RYR3: variants seen among roughly 807,000 people sequenced by gnomAD.
The protein encoded by RYR3 is ryanodine receptor 3.
Under a neutral mutation model 584.3 loss-of-function variants are expected in RYR3, and 207 were observed. The observed-to-expected ratio is 0.35, with a 90% CI of 0.32 to 0.40. The LOEUF is 0.40. Among genes scored for constraint, RYR3 ranks in the 10% least tolerant of loss-of-function variants. RYR3 has a pLI of 1.00. For synonymous variants in RYR3, 2,416 were observed against 2,248.5 expected (o/e 1.07, Z -2.11); for missense variants, 5,616 against 6,089.2 (o/e 0.92, Z 2.59).
chr15:33,470,162 T>C (rs991350990), intron 1 of RYR3, among the ~76,000 whole-genome samples: 1 of 152,192 alleles, frequency 6.6e-6, no homozygotes, highest in Admixed American at 6.5e-5. Context: ...CATATTCTTA[T>C]CCTAAAAGAC....
intron 1 of RYR3, among the ~76,000 whole-genome samples, chr15:33,329,226 A>C (rs909766034): frequency 2.0e-4 from 31 of 152,154 alleles, no homozygotes; most frequent in Admixed American, 7.2e-4. Flanking sequence ...TCTATTTTAC[A>C]TATGGGTAAG....
Position 33,844,850 on chromosome 15 carries a change from A to G in RYR3, c.13297-12A>G, listed in dbSNP as rs753962218. ...TTTGATGTTTAATAAGCGAGTGTGTATTTTGAGCCAGGTCACTGAAGAACC... is the reference window on the plus strand; with the variant it reads ...TTTGATGTTTAATAAGCGAGTGTGTGTTTTGAGCCAGGTCACTGAAGAACC... On this transcript the variant is annotated splice_polypyrimidine_tract_variant and intron_variant, in intron 92 of 103. Transcript: ENST00000634891. 1 of 1,612,246 alleles carries G rather than the reference A, an allele frequency of 6.2e-7. No individual in the cohort carries two copies. Among genetic ancestry groups the G allele is most frequent in the South Asian group, 1.1e-5 (1 of 90,778 alleles).
intron 18 of RYR3, among the ~76,000 whole-genome samples, chr15:33,611,667 GTATT>G (rs2060194910): frequency 6.6e-6 from 1 of 151,710 alleles, no homozygotes. Flanking sequence ...TTTTTCTTTT[GTATT>G]TATTTGAGAC....
In RYR3 at chr15:33,824,815, GA is replaced by G. The variant is rs1392058533; in HGVS notation, c.11073-785del. Among the ~76,000 whole-genome samples, 8 of 152,150 alleles carry G rather than the reference GA, an allele frequency of 5.3e-5. 1 individual carries two copies. Among genetic ancestry groups the G allele is most frequent in the Admixed American group, 5.2e-4 (8 of 15,280 alleles). On this transcript the variant is annotated intron_variant, in intron 81 of 103. Transcript: ENST00000634891. ...CTAAGAGCTATGTTCTATGTTCTATGAAACCTTTCAGATTGGGGAATAAGTT... is the reference window on the plus strand; with the variant it reads ...CTAAGAGCTATGTTCTATGTTCTATGAACCTTTCAGATTGGGGAATAAGTT...
At position 33,533,352 on chromosome 15, in the gene RYR3, A is replaced by T; in HGVS notation, c.396A>T (p.Lys132Asn). ...CLTTSRSQTD[K>N]LAFDVGLREH... is the part of the protein sequence containing the mutation. ...CTACATCAAGATCCCAGACAGACAA[A>T]CTTGCCTTTGATGTAGGTCTACGGG... The change falls in exon 5 of 104, where the codon AAA (lysine) becomes AAT (asparagine). Residue 132 changes from lysine to asparagine, a missense_variant. This residue lies in a region of RYR3 where 1,284 missense variants were observed against 1,344.6 expected (regional missense o/e 0.95). Transcript: ENST00000634891. The T allele has an allele frequency of 6.2e-7, 1 of 1,609,398 alleles. No individual in the cohort carries two copies. The highest frequency in any genetic ancestry group is 8.5e-7 in the Non-Finnish European group (1 of 1,177,878).
chr15:33,736,165 G>T, intron 48 of RYR3, 70 bp from the exon 49 acceptor site: 1 of 1,019,104 alleles, frequency 9.8e-7, no homozygotes. Flanking sequence ...ATTGTTCAGT[G>T]TTTCTTTCAT....
intron 16 of RYR3, among the ~76,000 whole-genome samples, chr15:33,594,214 A>G (rs896279564): frequency 2.6e-5 from 4 of 152,192 alleles, no homozygotes; most frequent in Non-Finnish European, 5.9e-5. Flanking sequence ...TTGATTCCTT[A>G]AAGGAAAGCA....
chr15:33,848,023 A>G (rs1480701006), intron 93 of RYR3, among the ~76,000 whole-genome samples: 2 of 152,220 alleles, frequency 1.3e-5, no homozygotes, highest in Non-Finnish European at 2.9e-5. Context: ...GCACACTAGC[A>G]TGGGTCAAGG....
At chr15:33,576,706 C>T (rs2058317708) in intron 12 of RYR3, among the ~76,000 whole-genome samples, 1 of 152,138 alleles carries the variant, frequency 6.6e-6, no homozygotes, top group South Asian at 2.1e-4. Flanking sequence ...AAAACCAGCA[C>T]AAGACAAGGA....
At chr15:33,634,420 G>A (rs2061408668) in intron 24 of RYR3, among the ~76,000 whole-genome samples, 166 bp from the exon 25 acceptor site, 2 of 152,192 alleles carry the variant, frequency 1.3e-5, no homozygotes, top group Admixed American at 1.3e-4. Flanking sequence ...TAATCTGGAG[G>A]AGAAGTGGCA....
At chr15:33,811,177 C>A in intron 72 of RYR3, 140 bp downstream of exon 72, 1 of 714,386 alleles carries the variant, frequency 1.4e-6, no homozygotes, top group Non-Finnish European at 2.4e-6. Context: ...ATTGGTAGGA[C>A]TAGCTCTCTC....
intron 38 of RYR3, among the ~76,000 whole-genome samples, chr15:33,695,119 G>A (rs1288087821): frequency 1.3e-5 from 2 of 152,284 alleles, no homozygotes; most frequent in Admixed American, 1.3e-4. Context: ...CCTTGGCACT[G>A]CCTGGCCTGA....
chr15:33,843,086 G>A (rs1348338677), intron 91 of RYR3, among the ~76,000 whole-genome samples: 2 of 151,976 alleles, frequency 1.3e-5, no homozygotes, highest in African/African-American at 4.8e-5. Flanking sequence ...TTGGGAGGCC[G>A]AGATGGGTGG....
intron 1 of RYR3, among the ~76,000 whole-genome samples, chr15:33,343,746 G>A (rs986524249): frequency 6.6e-6 from 1 of 152,024 alleles, no homozygotes; most frequent in African/African-American, 2.4e-5. Flanking sequence ...CAATTTTTCC[G>A]ATGAGTCAAG....
Position 33,631,242 on chromosome 15 carries a change from A to G in RYR3, c.2816A>G (p.His939Arg), listed in dbSNP as rs377564147. Reference protein sequence around the residue: ...TLLALGCHIAHVNPAAEEDLK... With the variant: ...TLLALGCHIARVNPAAEEDLK... Reference sequence around the variant, plus strand: ...TTGGCCCTGGGGTGCCACATTGCTCATGTTAACCCAGCTGCTGAGGAGGAT... The same window carrying G: ...TTGGCCCTGGGGTGCCACATTGCTCGTGTTAACCCAGCTGCTGAGGAGGAT... Residue 939 changes from histidine (H) to arginine (R), a missense_variant, in exon 23 of 104, where the codon CAT becomes CGT. This residue lies in a region of RYR3 where 1,284 missense variants were observed against 1,344.6 expected (regional missense o/e 0.95). Coordinates refer to ENST00000634891, the MANE Select transcript of RYR3 (RefSeq NM_001036.6). 2 of 1,591,800 alleles carry G rather than the reference A, an allele frequency of 1.3e-6. No individual in the cohort carries two copies. Among genetic ancestry groups the G allele is most frequent in the Non-Finnish European group, 1.7e-6 (2 of 1,168,274 alleles).
chr15:33,701,184 A>C, intron 42 of RYR3, 104 bp downstream of exon 42: 1 of 677,840 alleles, frequency 1.5e-6, no homozygotes, highest in Non-Finnish European at 2.6e-6. Flanking sequence ...CTGTATCGTC[A>C]TCTTGGTGGG....
In RYR3 at chr15:33,704,203, G is replaced by A. The variant is rs1490381185; in HGVS notation, c.6484-2716G>A. 2.0e-5 allele frequency among the ~76,000 whole-genome samples: 3 copies of A among 151,956 alleles called. No individual in the cohort carries two copies. In the East Asian group the frequency reaches 5.8e-4, roughly 30 times the overall value. On this transcript the variant is annotated intron_variant, in intron 42 of 103. Coordinates refer to ENST00000634891, the MANE Select transcript of RYR3 (RefSeq NM_001036.6). ...GCAGGAGAATTGTTTGATCCCGGGA[G>A]GCAGAGGTTGCAGTGAGCCGAGATC...
chr15:33,789,059 G>C (rs2074924840), intron 67 of RYR3, among the ~76,000 whole-genome samples: 1 of 152,164 alleles, frequency 6.6e-6, no homozygotes, highest in Non-Finnish European at 1.5e-5. Flanking sequence ...GAAAGATCTG[G>C]GGCGGGGGTG....
intron 62 of RYR3, among the ~76,000 whole-genome samples, chr15:33,771,482 C>T (rs932536041): frequency 2.0e-5 from 3 of 151,252 alleles, no homozygotes; most frequent in Admixed American, 6.6e-5. Context: ...TGCAGTGAGC[C>T]GAGATCACAC....
Sources: allele counts gnomAD v4.1 joint callset (sites outside exome capture counted in the v4.1 genomes callset), GRCh38; gene constraint gnomAD v4.1.1; regional missense constraint gnomAD v4.1.1; transcripts MANE v1.5; gene names NCBI Gene and HGNC (gene_info 2026-07-23, HGNC 2026-07-21).